Variants in TMEM272 observed in about 807,000 individuals in gnomAD.
The protein encoded by TMEM272 is long intergenic non-protein coding RNA 282.
Under a neutral mutation model 3.7 loss-of-function variants are expected in TMEM272, and 8 were observed. That is an observed-to-expected ratio of 2.17 (90% CI 1.27 to 3.91). TMEM272 has a LOEUF of 3.91. Ranked by LOEUF, TMEM272 falls within the 30% of genes most tolerant of loss-of-function variation. TMEM272 has a pLI of 0.00. For synonymous variants in TMEM272, 63 were observed against 39.8 expected (o/e 1.58, Z -2.20); for missense variants, 166 against 91.5 (o/e 1.81, Z -3.32).
intron 2 of TMEM272, among the ~76,000 whole-genome samples, chr13:51,833,979 C>A (rs114238666): frequency 2.6e-5 from 4 of 151,984 alleles, no homozygotes; most frequent in African/African-American, 9.7e-5. Flanking sequence ...GGGTTGGTGG[C>A]CCCTTCCCTG....
At chr13:51,865,470 C>G in the TMEM272 span, 1 of 1,614,200 alleles carries the variant, frequency 6.2e-7, no homozygotes, top group Non-Finnish European at 8.5e-7. Flanking sequence ...TCCCTGGCGG[C>G]ATCCTCTCCC....
At chr13:51,862,252 C>A in the TMEM272 span, 1 of 152,170 alleles carries the variant, frequency 6.6e-6, no homozygotes, top group Non-Finnish European at 1.5e-5. Context: ...TGGCTTTAGA[C>A]TGTATAGTAT....
chr13:51,901,986 G>A, the TMEM272 span, among the ~76,000 whole-genome samples: 13 of 152,310 alleles, frequency 8.5e-5, no homozygotes, highest in South Asian at 2.5e-3. Context: ...TTTCAAGGAG[G>A]AGGAGCTTGG....
intron 1 of TMEM272, among the ~76,000 whole-genome samples, chr13:51,839,442 C>T (rs1566353434): frequency 1.3e-5 from 2 of 151,952 alleles, no homozygotes; most frequent in African/African-American, 2.4e-5. Context: ...TCCATGGGGG[C>T]TGGCTGATCC....
At chr13:51,844,418 T>G (rs954765560) in intron 1 of TMEM272, among the ~76,000 whole-genome samples, 3 of 152,208 alleles carry the variant, frequency 2.0e-5, no homozygotes, top group Non-Finnish European at 4.4e-5. Context: ...TTGTTGAATA[T>G]TTTCAACAAA....
the TMEM272 span, among the ~76,000 whole-genome samples, chr13:51,918,561 T>TA: frequency 3.3e-5 from 5 of 151,770 alleles, no homozygotes; most frequent in Non-Finnish European, 7.4e-5. Context: ...GATTCACTCT[T>TA]AGTCTCTGTA....
At chr13:51,888,639 C>CTTTTT in the TMEM272 span, among the ~76,000 whole-genome samples, 122 of 76,626 alleles carry the variant, frequency 1.6e-3, no homozygotes, top group Non-Finnish European at 1.8e-3. Context: ...TTTTCTTTTT[C>CTTTTT]TTTTTTTTTT....
chr13:51,895,807 G>A, the TMEM272 span, among the ~76,000 whole-genome samples: 2 of 152,126 alleles, frequency 1.3e-5, no homozygotes, highest in African/African-American at 2.4e-5. Flanking sequence ...CTTAACATCC[G>A]TGATCTGACA....
intron 2 of TMEM272, among the ~76,000 whole-genome samples, chr13:51,831,851 A>G (rs1446218566): frequency 6.6e-6 from 1 of 152,254 alleles, no homozygotes; most frequent in Admixed American, 6.5e-5. Context: ...AATGCAACTC[A>G]GAGTGCCACA....
At position 51,841,085 on chromosome 13, in the gene TMEM272, T is replaced by G. The variant is rs35824984; in HGVS notation, c.-23-2532A>C. 7.9e-3 allele frequency among the ~76,000 whole-genome samples: 1,208 copies of G among 152,342 alleles called. 9 individuals are homozygous for G. The highest frequency in any genetic ancestry group is 0.012 in the Non-Finnish European group (848 of 68,030). ...CGGGTGTCACAGAAGCTAAGCCACT[T>G]AAAACCCTGCCTGGAAAAACAACCC... On this transcript the variant is annotated intron_variant, in intron 1 of 4. Coordinates refer to ENST00000629372, the MANE Select transcript of TMEM272 (RefSeq NM_001351003.2).
the TMEM272 span, chr13:51,930,700 T>C: frequency 1.3e-5 from 2 of 151,178 alleles, no homozygotes; most frequent in South Asian, 2.1e-4. Context: ...AACTCAATTG[T>C]ATACACATTA....
At chr13:51,873,761 C>CG in the TMEM272 span, among the ~76,000 whole-genome samples, 3 of 152,178 alleles carry the variant, frequency 2.0e-5, no homozygotes, top group African/African-American at 4.8e-5. Flanking sequence ...TTCCTGACCT[C>CG]GCGATCCTTC....
chr13:51,912,106 T>C, the TMEM272 span, among the ~76,000 whole-genome samples: 2 of 152,104 alleles, frequency 1.3e-5, no homozygotes, highest in African/African-American at 4.8e-5. Flanking sequence ...TCTTTCTCCA[T>C]AGCTGTCTTC....
chr13:51,924,093 C>A, the TMEM272 span, among the ~76,000 whole-genome samples: 44 of 152,216 alleles, frequency 2.9e-4, 1 homozygote, highest in Admixed American at 2.6e-4. Context: ...CCTTCCTCAA[C>A]CTTTCAGCTA....
chr13:51,867,084 C>T, the TMEM272 span, among the ~76,000 whole-genome samples: 24 of 152,184 alleles, frequency 1.6e-4, no homozygotes, highest in African/African-American at 5.3e-4. Flanking sequence ...AGAAACGCCA[C>T]GACAAATGTG....
the TMEM272 span, among the ~76,000 whole-genome samples, chr13:51,854,704 T>A: frequency 1.3e-5 from 2 of 152,234 alleles, no homozygotes; most frequent in African/African-American, 2.4e-5. Flanking sequence ...ATGGTATTAA[T>A]ACCTAATTTA....
chr13:51,818,600 T>C (rs1303616509), intron 4 of TMEM272, among the ~76,000 whole-genome samples: 1 of 152,174 alleles, frequency 6.6e-6, no homozygotes, highest in African/African-American at 2.4e-5. Context: ...AGCCTGAGGC[T>C]AGAGGTACTA....
At chr13:51,866,105 T>A in the TMEM272 span, 5 of 1,525,740 alleles carry the variant, frequency 3.3e-6, no homozygotes, top group African/African-American at 7.0e-5. Context: ...CAGGGCCCTG[T>A]GGTCCAGACT....
chr13:51,827,691 C>T (rs1432589204), intron 2 of TMEM272, among the ~76,000 whole-genome samples: 2 of 152,150 alleles, frequency 1.3e-5, no homozygotes, highest in Non-Finnish European at 2.9e-5. Flanking sequence ...CTACTCCTTC[C>T]TCTCTAGGTC....
Sources: gnomAD v4.1 joint callset for allele counts (sites outside exome capture counted in the v4.1 genomes callset) on GRCh38, gnomAD v4.1.1 for gene constraint, MANE v1.5 for transcripts, NCBI Gene and HGNC (gene_info 2026-07-23, HGNC 2026-07-21) for gene names.